The following MAGI2 variants were observed in gnomAD, a reference collection of about 807,000 sequenced individuals.
MAGI2 encodes the protein membrane associated guanylate kinase, WW and PDZ domain containing 2.
Under a neutral mutation model 133.3 loss-of-function variants are expected in MAGI2, and 35 were observed. The observed-to-expected ratio is 0.26, with a 90% CI of 0.20 to 0.35. MAGI2 has a LOEUF of 0.35. MAGI2 is among the 10% of genes least tolerant of loss of function. The probability of loss-of-function intolerance (pLI) is 1.00; values close to 1 mark genes in which losing one functional copy is unlikely to be tolerated. For missense variants in MAGI2, 1,636 were observed against 1,863.4 expected (o/e 0.88, Z 2.25); for synonymous variants, 729 against 710.6 (o/e 1.03, Z -0.41).
chr7:78,964,265 A>G (rs1052357474), intron 2 of MAGI2, among the ~76,000 whole-genome samples: 2 of 151,838 alleles, frequency 1.3e-5, no homozygotes, highest in African/African-American at 4.8e-5. Context: ...ATTTTCTAGT[A>G]TTTTTCCATA....
chr7:78,888,212 A>G (rs1023925659), intron 2 of MAGI2, among the ~76,000 whole-genome samples: 1 of 152,200 alleles, frequency 6.6e-6, no homozygotes, highest in Admixed American at 6.5e-5. Context: ...AGGCTTCAGT[A>G]GGTAAACAAA....
intron 2 of MAGI2, among the ~76,000 whole-genome samples, chr7:78,756,884 T>C (rs912807322): frequency 1.3e-5 from 2 of 152,166 alleles, no homozygotes; most frequent in African/African-American, 4.8e-5. Flanking sequence ...TCCAGCTCTG[T>C]CGTCTTATCT....
rs145516739 is a variant in MAGI2 at position 78,955,641 on chromosome 7, TTCTC to T, written c.418+51445_418+51448del. On this transcript the variant is annotated intron_variant, in intron 2 of 21. Coordinates refer to ENST00000354212, the MANE Select transcript of MAGI2 (RefSeq NM_012301.4). ...CCCTTCCTTCCTTCCCTCCCTCCTT[TTCTC>T]TCTCTCTCTCCCTTCCTTCTTTCCT... is the stretch of plus-strand genomic sequence containing the variant. Among the ~76,000 whole-genome samples the T allele has an allele frequency of 4.2e-3, 624 of 146,826 alleles. 7 individuals carry two copies. The highest frequency in any genetic ancestry group is 0.015 in the African/African-American group (600 of 40,232).
At chr7:78,889,169 A>C (rs1032852815) in intron 2 of MAGI2, among the ~76,000 whole-genome samples, 1 of 151,948 alleles carries the variant, frequency 6.6e-6, no homozygotes, top group Non-Finnish European at 1.5e-5. Flanking sequence ...CGAGAAGAGA[A>C]GTTTAGAGAA....
intron 1 of MAGI2, among the ~76,000 whole-genome samples, chr7:79,319,149 T>C (rs1214182540): frequency 1.3e-5 from 2 of 152,146 alleles, no homozygotes; most frequent in Non-Finnish European, 2.9e-5. Context: ...CTTTCCTGCA[T>C]TTGACTATCT....
intron 4 of MAGI2, among the ~76,000 whole-genome samples, chr7:78,511,408 A>T (rs944398249): frequency 6.6e-6 from 1 of 151,838 alleles, no homozygotes; most frequent in South Asian, 2.1e-4. Context: ...ATTGTCAATT[A>T]TTGCTCAAAG....
intron 1 of MAGI2, among the ~76,000 whole-genome samples, chr7:79,009,722 T>C (rs1807851383): frequency 1.3e-5 from 2 of 152,124 alleles, no homozygotes; most frequent in South Asian, 4.1e-4. Context: ...CTAGCAGCTA[T>C]GTTCTGGCCA....
intron 2 of MAGI2, among the ~76,000 whole-genome samples, chr7:78,673,226 TATTC>T (rs1401354956): frequency 6.6e-6 from 1 of 152,116 alleles, no homozygotes; most frequent in East Asian, 1.9e-4. Context: ...TAGTCACTGT[TATTC>T]ATTAAGATTC....
At chr7:78,974,860 A>G (rs1403830670) in intron 2 of MAGI2, among the ~76,000 whole-genome samples, 1 of 151,812 alleles carries the variant, frequency 6.6e-6, no homozygotes, top group Non-Finnish European at 1.5e-5. Flanking sequence ...TAAGTAGTTA[A>G]CAATTATCGA....
intron 6 of MAGI2, among the ~76,000 whole-genome samples, chr7:78,464,294 G>A (rs1222445242): frequency 6.6e-6 from 1 of 152,044 alleles, no homozygotes; most frequent in Non-Finnish European, 1.5e-5. Context: ...AAGAATTAAT[G>A]CCTGCCAAAT....
At chr7:79,280,409 C>T (rs571750489) in intron 1 of MAGI2, among the ~76,000 whole-genome samples, 22 of 151,226 alleles carry the variant, frequency 1.5e-4, no homozygotes, top group African/African-American at 5.3e-4. Context: ...CTATCCAAGT[C>T]CAATGGAATC....
At chr7:78,443,055 G>C (rs1290273900) in intron 6 of MAGI2, among the ~76,000 whole-genome samples, 1 of 152,122 alleles carries the variant, frequency 6.6e-6, no homozygotes, top group Non-Finnish European at 1.5e-5. Flanking sequence ...CTTATTTCCA[G>C]TTATTGCACA....
intron 1 of MAGI2, among the ~76,000 whole-genome samples, chr7:79,258,153 GAC>G (rs1394213338): frequency 6.6e-6 from 1 of 152,168 alleles, no homozygotes; most frequent in Non-Finnish European, 1.5e-5. Context: ...CAAAAGAAGA[GAC>G]ACAAATTAAT....
chr7:78,412,165 A>C (rs1204778124), intron 6 of MAGI2, among the ~76,000 whole-genome samples: 1 of 152,074 alleles, frequency 6.6e-6, no homozygotes, highest in Non-Finnish European at 1.5e-5. Flanking sequence ...AAAACTCTAT[A>C]ATCAATGAAA....
At chr7:79,243,334 A>C (rs1179683547) in intron 1 of MAGI2, among the ~76,000 whole-genome samples, 2 of 152,118 alleles carry the variant, frequency 1.3e-5, no homozygotes, top group African/African-American at 4.8e-5. Context: ...TTTCTTATCT[A>C]ATTTTACTTG....
At chr7:78,294,967 T>G (rs995643282) in intron 9 of MAGI2, among the ~76,000 whole-genome samples, 1 of 144,828 alleles carries the variant, frequency 6.9e-6, no homozygotes, top group African/African-American at 2.4e-5. Context: ...TTCTAACTCA[T>G]CAGAACAGAA....
chr7:79,093,692 C>T (rs1217615122), intron 1 of MAGI2, among the ~76,000 whole-genome samples: 2 of 147,646 alleles, frequency 1.4e-5, no homozygotes, highest in Non-Finnish European at 3.0e-5. Context: ...CTTTCTCTTT[C>T]TCTTTCTTTT....
intron 9 of MAGI2, among the ~76,000 whole-genome samples, chr7:78,294,147 C>A (rs1364423507): frequency 1.3e-5 from 2 of 152,018 alleles, no homozygotes; most frequent in Non-Finnish European, 1.5e-5. Context: ...ATTTCAATAT[C>A]ATTTTTTCAC....
At chr7:79,420,143 G>T (rs1466122386) in intron 1 of MAGI2, among the ~76,000 whole-genome samples, 1 of 151,982 alleles carries the variant, frequency 6.6e-6, no homozygotes, top group African/African-American at 2.4e-5. Context: ...TGATTCTATT[G>T]TCCTGGAAAG....
Sources: gnomAD v4.1 joint callset for allele counts (sites outside exome capture counted in the v4.1 genomes callset) on GRCh38, gnomAD v4.1.1 for gene constraint, MANE v1.5 for transcripts, NCBI Gene and HGNC (gene_info 2026-07-23, HGNC 2026-07-21) for gene names.